The following RNF130 variants were observed in gnomAD, a reference collection of about 807,000 sequenced individuals.
The protein encoded by RNF130 is E3 ubiquitin-protein ligase RNF130.
In RNF130, 21 loss-of-function variants were observed where a neutral mutation model predicts 44.6. The ratio of observed to expected loss-of-function variants is 0.47; its 90% CI spans 0.33 to 0.68. RNF130 has a LOEUF of 0.68. RNF130 is among the 30% of genes least tolerant of loss of function. The probability of loss-of-function intolerance (pLI) is 0.02; values close to 1 mark genes in which losing one functional copy is unlikely to be tolerated. For synonymous variants in RNF130, 214 were observed against 210.4 expected (o/e 1.02, Z -0.15); for missense variants, 479 against 560.6 (o/e 0.85, Z 1.47).
chr5:179,953,534 T>G (rs1015536376), downstream of RNF130, among the ~76,000 whole-genome samples: 1 of 152,030 alleles, frequency 6.6e-6, no homozygotes, highest in African/African-American at 2.4e-5. Flanking sequence ...AGGAAAAAAG[T>G]CTCTTAAACA....
At chr5:179,933,851 GCTT>G in intron 7 of RNF130, 1 of 786,344 alleles carries the variant, frequency 1.3e-6, no homozygotes, top group South Asian at 1.3e-5. Context: ...TTTTTGTCTT[GCTT>G]CTTCATGGTC....
chr5:179,982,855 A>AT (rs1762868920), intron 3 of RNF130, among the ~76,000 whole-genome samples: 1 of 152,206 alleles, frequency 6.6e-6, no homozygotes, highest in Non-Finnish European at 1.5e-5. Context: ...AAATGCTGAG[A>AT]TTACAGGTGT....
At chr5:179,979,145 C>T (rs1284187597) in intron 4 of RNF130, among the ~76,000 whole-genome samples, 1 of 151,562 alleles carries the variant, frequency 6.6e-6, no homozygotes. Context: ...ACTATTGTGG[C>T]AGCTGAGGCT....
intron 3 of RNF130, among the ~76,000 whole-genome samples, chr5:180,004,933 T>C (rs563680019): frequency 1.7e-4 from 26 of 151,546 alleles, no homozygotes; most frequent in African/African-American, 6.3e-4. Flanking sequence ...TTTTTTCCCA[T>C]TTTTTTTTCT....
intron 2 of RNF130, among the ~76,000 whole-genome samples, chr5:180,035,647 T>C (rs954626562): frequency 6.6e-6 from 1 of 152,224 alleles, no homozygotes; most frequent in African/African-American, 2.4e-5. Flanking sequence ...TCCTTCCCAT[T>C]CTGTCAGTTT....
chr5:179,939,948 G>A (rs1761948926), intron 7 of RNF130: 1 of 212,764 alleles, frequency 4.7e-6, no homozygotes, highest in Non-Finnish European at 9.5e-6. Context: ...TGTCATAAAC[G>A]TCCCTTTTTT....
At chr5:179,999,086 G>A (rs1763273112) in intron 3 of RNF130, among the ~76,000 whole-genome samples, 1 of 149,208 alleles carries the variant, frequency 6.7e-6, no homozygotes, top group Admixed American at 6.7e-5. Context: ...GCAGTGGTGT[G>A]ATCTCAACTC....
Position 180,040,578 on chromosome 5 carries a change from G to A in RNF130, c.317C>T (p.Ala106Val). The A allele has an allele frequency of 6.2e-7, 1 of 1,614,176 alleles. No homozygotes were observed. Among genetic ancestry groups the A allele is most frequent in the Non-Finnish European group, 8.5e-7 (1 of 1,180,028 alleles). ...CGTGCAGTTTCCCCTCTGCAGCAAG[G>A]CAATCCACTGTTTGATATTAGGAGG... ...FVPPNIKQWI[A>V]LLQRGNCTFK... The change falls in exon 2 of 9, where the codon GCC becomes GTC. Residue 106 changes from alanine to valine, a missense_variant. Ala to Val is a moderately conservative substitution (Grantham distance 64, BLOSUM62 0). Transcript: ENST00000521389.
rs897723696 is a variant in RNF130 at position 179,921,952 on chromosome 5, C to T, written c.1151-1526G>A. ...AGGAGAATCACTTGAACCCAGGAGG[C>T]GGAGGTTGCAGTGAGCGGAGATTGC... On this transcript the variant is annotated intron_variant, in intron 7 of 7. Coordinates refer to the RNF130 transcript ENST00000522208. 4.0e-5 allele frequency among the ~76,000 whole-genome samples: 6 copies of T among 150,918 alleles called. 1 individual carries two copies. The highest frequency in any genetic ancestry group is 9.8e-5 in the African/African-American group (4 of 40,714).
chr5:179,964,034 C>T (rs1561671328), intron 7 of RNF130: 1 of 156,892 alleles, frequency 6.4e-6, no homozygotes, highest in South Asian at 1.9e-4. Flanking sequence ...TGTGGGTGCT[C>T]CCAGCCGTCT....
At chr5:179,937,170 C>T (rs6878695) in intron 7 of RNF130, among the ~76,000 whole-genome samples, 1 of 152,132 alleles carries the variant, frequency 6.6e-6, no homozygotes, top group African/African-American at 2.4e-5. Context: ...ATCATCAAAA[C>T]GAAGTATCAT....
rs760235615 is a variant in RNF130 at position 179,977,877 on chromosome 5, TAAAAG to T, written c.848+321_848+325del. Among the ~76,000 whole-genome samples, 4 of 151,992 alleles carry T rather than the reference TAAAAG, an allele frequency of 2.6e-5. No homozygotes were observed. The highest frequency in any genetic ancestry group is 2.9e-5 in the Non-Finnish European group (2 of 67,976). ...CTCAAAAAATAAATAAATAAATAAA[TAAAAG>T]AAAACAAACATAAAAAGATAAACGA... On this transcript the variant is annotated intron_variant, in intron 5 of 8. Transcript: ENST00000521389. The surrounding 1 kb of genome is among the most constrained non-coding windows in gnomAD (Gnocchi z 4.1).
exon 8 of RNF130, chr5:179,914,089 T>G (rs1761506557): frequency 6.6e-6 from 1 of 152,244 alleles, no homozygotes; most frequent in African/African-American, 2.4e-5. Context: ...GTGTGAATAT[T>G]ACAATCAACA....
chr5:179,990,220 G>A (rs1763048931), intron 3 of RNF130, among the ~76,000 whole-genome samples: 1 of 152,304 alleles, frequency 6.6e-6, no homozygotes, highest in South Asian at 2.1e-4. Context: ...AAAGGGGCAG[G>A]GTAAAGAGTT....
chr5:179,946,155 C>T (rs552086671), intron 7 of RNF130, among the ~76,000 whole-genome samples: 2 of 152,346 alleles, frequency 1.3e-5, no homozygotes, highest in African/African-American at 2.4e-5. Context: ...CCTACAGTTA[C>T]GGTAAGTATG....
chr5:179,952,971 TCTA>T (rs1429612387), downstream of RNF130, among the ~76,000 whole-genome samples: 1 of 151,996 alleles, frequency 6.6e-6, no homozygotes, highest in Non-Finnish European at 1.5e-5. Context: ...TATTCAACAA[TCTA>T]CTATTTGAGG....
At chr5:180,044,092 G>C (rs762339733) in intron 1 of RNF130, among the ~76,000 whole-genome samples, 1 of 152,088 alleles carries the variant, frequency 6.6e-6, no homozygotes, top group Non-Finnish European at 1.5e-5. Context: ...GTTTACACTT[G>C]AGCAATTTAT....
At chr5:179,991,927 T>C (rs1189601536) in intron 3 of RNF130, among the ~76,000 whole-genome samples, 1 of 152,048 alleles carries the variant, frequency 6.6e-6, no homozygotes, top group African/African-American at 2.4e-5. Flanking sequence ...CCTAGATGCT[T>C]TGCATGTACA....
At chr5:179,982,736 T>A (rs930902820) in intron 3 of RNF130, among the ~76,000 whole-genome samples, 4 of 152,150 alleles carry the variant, frequency 2.6e-5, no homozygotes, top group African/African-American at 9.7e-5. Flanking sequence ...TGCACCACCA[T>A]GACCAACTGA....
Sources: allele counts gnomAD v4.1 joint callset (sites outside exome capture counted in the v4.1 genomes callset), GRCh38; gene constraint gnomAD v4.1.1; non-coding constraint Gnocchi (gnomAD v3.1); transcripts MANE v1.5; gene names NCBI Gene and HGNC (gene_info 2026-07-23, HGNC 2026-07-21).